WWOX: variants seen among roughly 807,000 people sequenced by gnomAD.
The protein encoded by WWOX is WW domain-containing oxidoreductase.
In WWOX, 69 loss-of-function variants were observed where a neutral mutation model predicts 46.2. The observed-to-expected ratio is 1.49, with a 90% confidence interval of 1.23 to 1.82. The LOEUF (loss-of-function observed/expected upper bound fraction) is 1.82, where lower values mean the gene tolerates loss of function less well. Ranked by LOEUF, WWOX falls within the 40% of genes most tolerant of loss-of-function variation. The pLI is 0.00. For missense variants in WWOX, 919 were observed against 542.6 expected, an observed-to-expected ratio of 1.69 and a Z score of -6.89; for synonymous variants, 359 against 202.6, an observed-to-expected ratio of 1.77 and a Z score of -6.56.
intron 8 of WWOX, among the ~76,000 whole-genome samples, chr16:78,882,699 G>C (rs2044369050): frequency 6.6e-6 from 1 of 151,970 alleles, no homozygotes; most frequent in Non-Finnish European, 1.5e-5. Context: ...TTGCTGGCCA[G>C]GCTGGCCTTG....
At chr16:78,817,191 T>TTTTTTTTTTTTTTTTTC in intron 8 of WWOX, among the ~76,000 whole-genome samples, 1 of 142,324 alleles carries the variant, frequency 7.0e-6, no homozygotes, top group Non-Finnish European at 1.5e-5. Context: ...TTTTTTTTTT[T>TTTTTTTTTTTTTTTTTC]TTTTTTTTCC....
chr16:78,655,345 A>G (rs986997041), intron 8 of WWOX, among the ~76,000 whole-genome samples: 37 of 152,184 alleles, frequency 2.4e-4, no homozygotes, highest in African/African-American at 8.7e-4. Flanking sequence ...TGAGAACTTG[A>G]TATAATAACG....
At chr16:78,691,629 G>T (rs1462767800) in intron 8 of WWOX, among the ~76,000 whole-genome samples, 1 of 152,126 alleles carries the variant, frequency 6.6e-6, no homozygotes, top group Non-Finnish European at 1.5e-5. Flanking sequence ...AATTGTTTGA[G>T]CCTAGGAGGT....
intron 5 of WWOX, among the ~76,000 whole-genome samples, chr16:78,219,854 C>T (rs186524806): frequency 6.6e-6 from 1 of 152,090 alleles, no homozygotes; most frequent in East Asian, 1.9e-4. Flanking sequence ...CTTGACTTCT[C>T]TCGACTGTGG....
intron 8 of WWOX, among the ~76,000 whole-genome samples, chr16:78,844,984 C>T (rs2052260072): frequency 1.3e-5 from 2 of 152,172 alleles, no homozygotes; most frequent in Non-Finnish European, 2.9e-5. Context: ...CTTCCTTGGC[C>T]AGCCTGAAAG....
intron 8 of WWOX, among the ~76,000 whole-genome samples, chr16:78,660,482 G>A (rs1340949091): frequency 6.6e-6 from 1 of 152,116 alleles, no homozygotes; most frequent in Non-Finnish European, 1.5e-5. Flanking sequence ...GGCATATAAT[G>A]AGTAACATTC....
chr16:78,787,523 T>A (rs1222738021), intron 8 of WWOX, among the ~76,000 whole-genome samples: 2 of 152,230 alleles, frequency 1.3e-5, no homozygotes, highest in African/African-American at 2.4e-5. Context: ...TTGAGTGATA[T>A]TCTGTTACAT....
chr16:78,484,799 G>T (rs954499818), intron 8 of WWOX, among the ~76,000 whole-genome samples: 1 of 152,186 alleles, frequency 6.6e-6, no homozygotes, highest in Non-Finnish European at 1.5e-5. Context: ...AAGCTGTCCT[G>T]AAGTCGAGGT....
At chr16:78,251,582 T>G (rs1426608974) in intron 5 of WWOX, among the ~76,000 whole-genome samples, 2 of 152,178 alleles carry the variant, frequency 1.3e-5, no homozygotes, top group Non-Finnish European at 2.9e-5. Context: ...GCTGCAAAAC[T>G]CTTCTAGCTA....
At chr16:78,558,781 T>A (rs1299463596) in intron 8 of WWOX, among the ~76,000 whole-genome samples, 10 of 152,364 alleles carry the variant, frequency 6.6e-5, no homozygotes, top group Non-Finnish European at 1.2e-4. Context: ...CACATTCTTC[T>A]GCCTAGAGTA....
chr16:79,035,803 T>G (rs1188049333), intron 8 of WWOX, among the ~76,000 whole-genome samples: 1 of 152,116 alleles, frequency 6.6e-6, no homozygotes, highest in Admixed American at 6.6e-5. Flanking sequence ...GCCAACCCCA[T>G]TAGACGGTGG....
chr16:78,731,388 A>G (rs2048965554), intron 8 of WWOX, among the ~76,000 whole-genome samples: 3 of 152,128 alleles, frequency 2.0e-5, no homozygotes, highest in Non-Finnish European at 4.4e-5. Context: ...AAAGATGCAC[A>G]CTAATACTAC....
At chr16:78,815,963 T>C (rs563245364) in intron 8 of WWOX, among the ~76,000 whole-genome samples, 1 of 152,192 alleles carries the variant, frequency 6.6e-6, no homozygotes, top group African/African-American at 2.4e-5. Flanking sequence ...CCAAGTCTCC[T>C]GGGTGACCTT....
chr16:78,906,565 A>G (rs1412748363), intron 8 of WWOX, among the ~76,000 whole-genome samples: 1 of 152,160 alleles, frequency 6.6e-6, no homozygotes, highest in Non-Finnish European at 1.5e-5. Flanking sequence ...AACTGCATAA[A>G]TATACATCTT....
At chr16:78,973,950 A>T (rs1307977831) in intron 8 of WWOX, among the ~76,000 whole-genome samples, 1 of 152,174 alleles carries the variant, frequency 6.6e-6, no homozygotes, top group African/African-American at 2.4e-5. Context: ...AACATTACCT[A>T]TCCTACGATT....
At position 78,609,427 on chromosome 16, in the gene WWOX, G is replaced by A. The variant is rs182740179; in HGVS notation, c.1056+176675G>A. Among the ~76,000 whole-genome samples the A allele has an allele frequency of 7.9e-5, 12 of 151,454 alleles. No homozygotes were observed. In the East Asian group the frequency reaches 2.3e-3, roughly 29 times the overall value. On this transcript the variant is annotated intron_variant, in intron 8 of 8. Coordinates refer to ENST00000566780, the MANE Select transcript of WWOX (RefSeq NM_016373.4). The stretch of plus-strand genomic sequence containing the variant: ...AGAGTGGAAGAATCTTGCTTTTAAA[G>A]CGATAGTCCTATTTTCTAAGTAAAA...
intron 8 of WWOX, among the ~76,000 whole-genome samples, chr16:78,591,195 C>T (rs948926977): frequency 3.3e-5 from 5 of 152,160 alleles, no homozygotes; most frequent in Non-Finnish European, 7.3e-5. Context: ...ACATTATAAC[C>T]AGATAGCCTA....
intron 8 of WWOX, among the ~76,000 whole-genome samples, chr16:78,983,160 G>C (rs965384): frequency 6.6e-6 from 1 of 152,092 alleles, no homozygotes; most frequent in African/African-American, 2.4e-5. Flanking sequence ...AAACTCCATC[G>C]TTAGGAATTC....
chr16:78,836,361 T>C (rs772799380), intron 8 of WWOX, among the ~76,000 whole-genome samples: 3 of 152,112 alleles, frequency 2.0e-5, no homozygotes, highest in South Asian at 4.1e-4. Flanking sequence ...CCAGCAGAGA[T>C]AGGAGGCCCT....
Sources: gnomAD v4.1 joint callset for allele counts (sites outside exome capture counted in the v4.1 genomes callset) on GRCh38, gnomAD v4.1.1 for gene constraint, MANE v1.5 for transcripts, NCBI Gene and HGNC (gene_info 2026-07-23, HGNC 2026-07-21) for gene names.